PLEKHA7: variants seen among roughly 807,000 people sequenced by gnomAD.
PLEKHA7 encodes the protein pleckstrin homology domain containing A7.
In PLEKHA7, 104 loss-of-function variants were observed where a neutral mutation model predicts 170.0. That is an observed-to-expected ratio of 0.61 (90% CI 0.52 to 0.72). PLEKHA7 has a LOEUF of 0.72. Ranked by LOEUF, PLEKHA7 falls within the 30% of genes least tolerant of loss-of-function variation. The probability of loss-of-function intolerance (pLI) is 0.00; values close to 1 mark genes in which losing one functional copy is unlikely to be tolerated. For missense variants in PLEKHA7, 1,615 were observed against 1,671.7 expected, an observed-to-expected ratio of 0.97 and a Z score of 0.59; for synonymous variants, 648 against 660.8, an observed-to-expected ratio of 0.98 and a Z score of 0.30.
chr11:16,906,224 TAGGAAGGAAGGAAGGA>T (rs199992587), intron 3 of PLEKHA7, among the ~76,000 whole-genome samples: 15,523 of 115,222 alleles, frequency 0.13, 1,153 homozygotes, highest in Non-Finnish European at 0.17. Context: ...TAAAATGAGG[TAGGAAGGAAGGAAGGA>T]AGGAAGGAAG....
chr11:16,959,721 A>G (rs1356182766), intron 3 of PLEKHA7, among the ~76,000 whole-genome samples: 1 of 152,232 alleles, frequency 6.6e-6, no homozygotes, highest in African/African-American at 2.4e-5. Context: ...AGGCCTACTC[A>G]GTTGAAATCT....
chr11:16,962,417 C>T (rs138008816), intron 3 of PLEKHA7, among the ~76,000 whole-genome samples: 1 of 152,204 alleles, frequency 6.6e-6, no homozygotes, highest in Non-Finnish European at 1.5e-5. Context: ...GACCCAAAAC[C>T]ACCTTAAGTC....
rs533406262 is a variant in PLEKHA7, at chr11:16,993,275, C to T, written c.221+20714G>A. On this transcript the variant is annotated intron_variant, in intron 3 of 26. Coordinates refer to ENST00000531066, the MANE Select transcript of PLEKHA7 (RefSeq NM_001329630.2). The stretch of plus-strand genomic sequence containing the variant: ...AAAAGTGAATACCTTCTTCACTTTT[C>T]CTCTTTCCTACTATCTCTGGATGGA... Among the ~76,000 whole-genome samples, 3 of 152,154 alleles carry T rather than the reference C, an allele frequency of 2.0e-5. No homozygotes were observed. In the East Asian group the frequency reaches 5.8e-4, roughly 29 times the overall value.
intron 3 of PLEKHA7, among the ~76,000 whole-genome samples, chr11:16,924,756 G>A (rs564707105): frequency 6.6e-6 from 1 of 152,274 alleles, no homozygotes; most frequent in South Asian, 2.1e-4. Flanking sequence ...AAAAGAAAGG[G>A]GGAGGCCTGC....
Position 16,826,458 on chromosome 11 carries a change from G to C in PLEKHA7, c.1005C>G (p.Phe335Leu). Residue 335 changes from phenylalanine (F) to leucine (L), a missense_variant, in exon 10 of 27, where the codon TTC becomes TTG. Transcript: ENST00000531066. Reference sequence around the variant, plus strand: ...GCTCTCCCTCCTGCTCCTGCCTCTCGAAGTTGACAATGTCATCATGGCCAC... The same window carrying C: ...GCTCTCCCTCCTGCTCCTGCCTCTCCAAGTTGACAATGTCATCATGGCCAC... ...PHRGHDDIVNFERQEQEGEQY... is the reference protein window; with the variant it reads ...PHRGHDDIVNLERQEQEGEQY... The C allele has an allele frequency of 9.3e-6, 15 of 1,614,178 alleles. No homozygotes were observed. Among genetic ancestry groups the C allele is most frequent in the African/African-American group, 1.3e-5 (1 of 75,030 alleles).
In PLEKHA7 at chr11:16,794,641, T is replaced by C. The variant is rs1848089901; in HGVS notation, c.2592A>G (p.Pro864=). Residue 864 remains proline (P), a synonymous_variant, in exon 19 of 27, where the codon CCA becomes CCG. Coordinates refer to ENST00000531066, the MANE Select transcript of PLEKHA7 (RefSeq NM_001329630.2). Reference sequence around the variant, plus strand: ...CAGGGCTGGTGGGAGGACTGGGCTGTGGGGGCGGCTTGCTCTCAGAAGTTG... The same window carrying C: ...CAGGGCTGGTGGGAGGACTGGGCTGCGGGGGCGGCTTGCTCTCAGAAGTTG... ...SLSTSESKPP[P]QPSPPTSPVR... 1 of 1,613,764 alleles carries C rather than the reference T, an allele frequency of 6.2e-7. No individual in the cohort carries two copies. The highest frequency in any genetic ancestry group is 8.5e-7 in the Non-Finnish European group (1 of 1,179,924).
Position 16,778,896 on chromosome 11 carries a change from C to T in PLEKHA7, c.*102G>A. The T allele has an allele frequency of 1.4e-6, 1 of 699,894 alleles. No homozygotes were observed. The highest frequency in any genetic ancestry group is 2.7e-5 in the East Asian group (1 of 37,200). The allele number at this position is 699,894 out of a possible 1,614,324, so 43.4% of individuals were successfully genotyped here. A position where few individuals can be genotyped will look rare whatever the true frequency, so the allele number is the denominator to read the frequency against. ...GCTGCTCCTTCCTCCGGCCGGATTC[C>T]CTGCTCAGCTGGAAGGGGTTTCCTT... On this transcript the variant is annotated 3_prime_UTR_variant, in exon 27 of 27. Coordinates refer to ENST00000531066, the MANE Select transcript of PLEKHA7 (RefSeq NM_001329630.2).
intron 21 of PLEKHA7, chr11:16,790,594 G>A (rs970430451): frequency 1.0e-5 from 6 of 583,078 alleles, no homozygotes; most frequent in Non-Finnish European, 1.8e-5. Context: ...CCTGGGGACA[G>A]ATGTAACAAA....
chr11:16,871,838 G>C (rs1032741382), intron 3 of PLEKHA7, among the ~76,000 whole-genome samples: 3 of 152,124 alleles, frequency 2.0e-5, no homozygotes, highest in Non-Finnish European at 4.4e-5. Context: ...AAGGCTGCTT[G>C]GTTCTTTGAA....
intron 10 of PLEKHA7, among the ~76,000 whole-genome samples, chr11:16,825,290 T>C (rs143522024): frequency 6.6e-6 from 1 of 152,346 alleles, no homozygotes; most frequent in African/African-American, 2.4e-5. Flanking sequence ...GAGAATGAAG[T>C]GTGGCCTTTC....
At chr11:17,009,454 A>G (rs1402874126) in intron 3 of PLEKHA7, among the ~76,000 whole-genome samples, 1 of 152,222 alleles carries the variant, frequency 6.6e-6, no homozygotes, top group African/African-American at 2.4e-5. Flanking sequence ...TGACAGTTAC[A>G]GAACAGTTCC....
intron 3 of PLEKHA7, among the ~76,000 whole-genome samples, chr11:16,961,015 T>G (rs1178862137): frequency 6.6e-6 from 1 of 152,082 alleles, no homozygotes; most frequent in African/African-American, 2.4e-5. Flanking sequence ...CAAGTCCCCC[T>G]CCACCCCACT....
chr11:16,855,791 C>T lies in PLEKHA7; in HGVS notation c.417+12G>A. The stretch of plus-strand genomic sequence containing the variant: ...AAGAAGGGAAGGAAGGAACAAGTGG[C>T]CAGGAGCTCACCTTGGGTCCAGGCT... On this transcript the variant is annotated intron_variant, in intron 5 of 26. Coordinates refer to ENST00000531066, the MANE Select transcript of PLEKHA7 (RefSeq NM_001329630.2). 1 of 1,576,934 alleles carries T rather than the reference C, an allele frequency of 6.3e-7. No individual in the cohort carries two copies. Among genetic ancestry groups the T allele is most frequent in the Non-Finnish European group, 8.7e-7 (1 of 1,151,040 alleles).
intron 3 of PLEKHA7, among the ~76,000 whole-genome samples, chr11:16,979,422 A>AGAGT (rs1422230913): frequency 8.1e-6 from 1 of 123,318 alleles, no homozygotes; most frequent in Non-Finnish European, 1.8e-5. Context: ...TCAGGGTAAG[A>AGAGT]CATTCCCATT....
intron 5 of PLEKHA7, 49 bp from the exon 6 acceptor site, chr11:16,855,042 C>T (rs754394538): frequency 5.3e-6 from 8 of 1,515,602 alleles, no homozygotes; most frequent in East Asian, 4.5e-5. Context: ...TAAGGTGACA[C>T]AAAAAAGCAC....
chr11:16,808,384 G>A (rs1849135440), intron 13 of PLEKHA7, among the ~76,000 whole-genome samples: 1 of 152,164 alleles, frequency 6.6e-6, no homozygotes, highest in African/African-American at 2.4e-5. Context: ...CCCAGAGCTT[G>A]ACAAAAATGC....
chr11:16,912,646 G>T (rs1427494669), intron 3 of PLEKHA7, among the ~76,000 whole-genome samples: 2 of 151,896 alleles, frequency 1.3e-5, no homozygotes, highest in Non-Finnish European at 2.9e-5. Flanking sequence ...AACTTCCAAG[G>T]ACAAGCTGGG....
chr11:16,934,428 C>T (rs1860148295), intron 3 of PLEKHA7, among the ~76,000 whole-genome samples: 1 of 152,122 alleles, frequency 6.6e-6, no homozygotes, highest in Admixed American at 6.5e-5. Context: ...AAGCAATTTT[C>T]AAAGTTCAGC....
chr11:16,868,057 A>T (rs1263914236), intron 4 of PLEKHA7, among the ~76,000 whole-genome samples: 2 of 151,960 alleles, frequency 1.3e-5, no homozygotes, highest in Non-Finnish European at 2.9e-5. Flanking sequence ...TTCCCCTCTA[A>T]GTCTTTGCCC....
Sources: allele counts gnomAD v4.1 joint callset (sites outside exome capture counted in the v4.1 genomes callset), GRCh38; gene constraint gnomAD v4.1.1; transcripts MANE v1.5; gene names NCBI Gene and HGNC (gene_info 2026-07-23, HGNC 2026-07-21).